Variants in IKZF2 observed in about 807,000 individuals in gnomAD.
IKZF2 encodes the protein zinc finger protein Helios.
In IKZF2, 15 loss-of-function variants were observed where a neutral mutation model predicts 49.2. That is an observed-to-expected ratio of 0.30 (90% CI 0.20 to 0.47). IKZF2 has a LOEUF of 0.47. IKZF2 is among the 20% of genes least tolerant of loss of function. IKZF2 has a pLI of 1.00. For synonymous variants in IKZF2, 227 were observed against 221.4 expected, an observed-to-expected ratio of 1.03 and a Z score of -0.23; for missense variants, 567 against 664.6, an observed-to-expected ratio of 0.85 and a Z score of 1.61.
At position 213,066,897 on chromosome 2, in the gene IKZF2, A is replaced by T. The variant is rs535957585; in HGVS notation, c.140-9798T>A. ...TATGTTTAAATGCTTACTTATATAA[A>T]TGTTGGAAGCCACTTGCTAGCTCCC... On this transcript the variant is annotated intron_variant, in intron 4 of 8. Transcript: ENST00000434687. 2.0e-5 allele frequency among the ~76,000 whole-genome samples: 3 copies of T among 152,230 alleles called. No homozygotes were observed. The East Asian group carries it at 5.8e-4, about 29-fold the overall frequency.
At chr2:213,108,886 C>G (rs966894833) in intron 4 of IKZF2, among the ~76,000 whole-genome samples, 1 of 152,028 alleles carries the variant, frequency 6.6e-6, no homozygotes, top group Non-Finnish European at 1.5e-5. Flanking sequence ...CCACTATTCA[C>G]ATTTGGTGTA....
chr2:213,112,811 A>C (rs1216551884), intron 4 of IKZF2, among the ~76,000 whole-genome samples: 1 of 152,152 alleles, frequency 6.6e-6, no homozygotes, highest in Non-Finnish European at 1.5e-5. Context: ...TTTACCTCTT[A>C]ATGGCTTTTA....
At chr2:213,054,361 A>C (rs1700951566) in intron 5 of IKZF2, among the ~76,000 whole-genome samples, 1 of 152,308 alleles carries the variant, frequency 6.6e-6, no homozygotes, top group South Asian at 2.1e-4. Flanking sequence ...AATTGATAAG[A>C]GTGGGAAGTT....
At chr2:213,143,058 T>C (rs934280493) in intron 4 of IKZF2, among the ~76,000 whole-genome samples, 12 of 151,890 alleles carry the variant, frequency 7.9e-5, no homozygotes, top group African/African-American at 2.9e-4. Flanking sequence ...AAAAACAACA[T>C]ATTCTACCTC....
At chr2:213,103,427 AC>A (rs984628261) in intron 4 of IKZF2, among the ~76,000 whole-genome samples, 4 of 152,220 alleles carry the variant, frequency 2.6e-5, no homozygotes, top group African/African-American at 9.6e-5. Flanking sequence ...TATCAAATCA[AC>A]AGACTGAACG....
rs891300664 is a variant in IKZF2 at position 213,003,497 on chromosome 2, T to C, written c.*3863A>G. 1 of 151,726 alleles carries C rather than the reference T, an allele frequency of 6.6e-6. No individual in the cohort carries two copies. The highest frequency in any genetic ancestry group is 6.6e-5 in the Admixed American group (1 of 15,194). 9.4% of individuals were successfully genotyped at this position (151,726 alleles called of 1,614,324 possible). ...TTTTTGGACGTGAACAATCCAAAGT[T>C]AAAAAACAAATCATGTAGCTAGTAC... On this transcript the variant is annotated 3_prime_UTR_variant, in exon 9 of 9. Coordinates refer to ENST00000434687, the MANE Select transcript of IKZF2 (RefSeq NM_001387220.1).
chr2:213,023,041 T>C (rs1450884622), intron 6 of IKZF2, among the ~76,000 whole-genome samples: 2 of 152,182 alleles, frequency 1.3e-5, no homozygotes, highest in Admixed American at 6.5e-5. Context: ...CTTTGACTCT[T>C]GGTTTTGAAT....
intron 8 of IKZF2, among the ~76,000 whole-genome samples, chr2:213,009,217 A>G (rs191946350): frequency 1.0e-3 from 152 of 152,190 alleles, no homozygotes; most frequent in African/African-American, 3.4e-3. Context: ...ATATAATTTT[A>G]CTCCAATATT....
chr2:213,093,353 G>A (rs1237032782), intron 4 of IKZF2, among the ~76,000 whole-genome samples: 3 of 151,950 alleles, frequency 2.0e-5, no homozygotes, highest in Non-Finnish European at 4.4e-5. Context: ...CAGTTCTTTG[G>A]TGAACATATT....
intron 4 of IKZF2, among the ~76,000 whole-genome samples, chr2:213,145,172 T>TAAAAAAAA (rs11356704): frequency 7.2e-6 from 1 of 138,512 alleles, no homozygotes; most frequent in Non-Finnish European, 1.6e-5. Context: ...GCTGTTTTAC[T>TAAAAAAAA]AAAAAAAAAA....
At chr2:213,078,163 C>T (rs77291122) in intron 4 of IKZF2, among the ~76,000 whole-genome samples, 3,328 of 152,090 alleles carry the variant, frequency 0.022, 129 homozygotes, top group African/African-American at 0.076. Context: ...TTATGTTTTG[C>T]TATATTATTT....
rs1210087077 is a variant in IKZF2 at position 213,150,230 on chromosome 2, G to A, written c.-102C>T. The A allele has an allele frequency of 1.6e-6, 2 of 1,261,802 alleles. No individual in the cohort carries two copies. Among genetic ancestry groups the A allele is most frequent in the Non-Finnish European group, 2.1e-6 (2 of 950,530 alleles). 78.2% of individuals were successfully genotyped at this position (1,261,802 alleles called of 1,614,324 possible). A position where few individuals can be genotyped will look rare whatever the true frequency, so the allele number is the denominator to read the frequency against. ...TCAGCTTCTTCTAACCCCTCAAAGA[G>A]GAGGTGACAATGTCGGGCTGAAGAT... On this transcript the variant is annotated 5_prime_UTR_variant, in exon 2 of 9. Transcript: ENST00000434687.
At chr2:213,037,983 C>T (rs1440117690) in intron 6 of IKZF2, among the ~76,000 whole-genome samples, 1 of 150,358 alleles carries the variant, frequency 6.7e-6, no homozygotes, top group Non-Finnish European at 1.5e-5. Context: ...ATTTCTAAAC[C>T]AGCATAATTT....
At chr2:213,091,659 TA>T (rs1317629725) in intron 4 of IKZF2, among the ~76,000 whole-genome samples, 2 of 152,080 alleles carry the variant, frequency 1.3e-5, no homozygotes, top group African/African-American at 4.8e-5. Flanking sequence ...CAGGGAAAGG[TA>T]GATATGAGAT....
At chr2:213,038,160 A>ACGCCGTTCTCCTGCCTCAGC (rs976283727) in intron 6 of IKZF2, among the ~76,000 whole-genome samples, 1 of 151,160 alleles carries the variant, frequency 6.6e-6, no homozygotes, top group African/African-American at 2.5e-5. Context: ...TCCCAGATGC[A>ACGCCGTTCTCCTGCCTCAGC]CGCCGTTCTC....
intron 4 of IKZF2, among the ~76,000 whole-genome samples, chr2:213,079,067 G>A (rs567066107): frequency 9.9e-5 from 15 of 152,196 alleles, no homozygotes; most frequent in African/African-American, 3.4e-4. Context: ...TTTTGTTGAG[G>A]GAGAAGGGGG....
Position 213,007,367 on chromosome 2 carries a change from A to G in IKZF2, c.1574T>C (p.Phe525Ser). ...CCTTTGGAATGAAAAGGCCTAGTGG[A>G]ATGTGTGCTCCCCTCGAACAATGTG... ...SSHIVRGEHT[F>S]H Residue 525 changes from phenylalanine to serine, a missense_variant, in exon 9 of 9, where the codon TTC becomes TCC. This residue lies in a region of IKZF2 where 25 missense variants were observed against 27.0 expected (regional missense o/e 0.93). Transcript: ENST00000434687. 6.2e-7 allele frequency: 1 copy of G among 1,612,832 alleles called. No individual in the cohort carries two copies. Among genetic ancestry groups the G allele is most frequent in the Non-Finnish European group, 8.5e-7 (1 of 1,179,380 alleles).
chr2:213,128,718 G>T (rs6733059), intron 4 of IKZF2, among the ~76,000 whole-genome samples: 9 of 151,170 alleles, frequency 6.0e-5, no homozygotes, highest in African/African-American at 1.9e-4. Flanking sequence ...ACCTCCACCC[G>T]CCAAGTTCAA....
intron 4 of IKZF2, among the ~76,000 whole-genome samples, chr2:213,125,968 A>G (rs2125864627): frequency 6.6e-6 from 1 of 152,350 alleles, no homozygotes; most frequent in East Asian, 1.9e-4. Flanking sequence ...AAGATAATTA[A>G]GGAATTGGTA....
Sources: gnomAD v4.1 joint callset for allele counts (sites outside exome capture counted in the v4.1 genomes callset) on GRCh38, gnomAD v4.1.1 for gene constraint, gnomAD v4.1.1 regional missense constraint, MANE v1.5 for transcripts, NCBI Gene and HGNC (gene_info 2026-07-23, HGNC 2026-07-21) for gene names.